Variants in CNTN5 observed in about 807,000 individuals in gnomAD.
CNTN5 encodes the protein contactin-5.
Under a neutral mutation model 129.1 loss-of-function variants are expected in CNTN5, and 77 were observed. The ratio of observed to expected loss-of-function variants is 0.60; its 90% CI spans 0.50 to 0.72. CNTN5 has a LOEUF of 0.72. Among genes scored for constraint, CNTN5 ranks in the 30% least tolerant of loss-of-function variants. The pLI is 0.00. For synonymous variants in CNTN5, 509 were observed against 465.6 expected, an observed-to-expected ratio of 1.09 and a Z score of -1.20; for missense variants, 1,478 against 1,328.8, an observed-to-expected ratio of 1.11 and a Z score of -1.75.
At chr11:99,275,852 AC>A (rs1457797608) in intron 1 of CNTN5, among the ~76,000 whole-genome samples, 5 of 151,658 alleles carry the variant, frequency 3.3e-5, no homozygotes, top group African/African-American at 1.2e-4. Context: ...ATTACATTTG[AC>A]CAAAAAAGTT....
intron 7 of CNTN5, among the ~76,000 whole-genome samples, chr11:99,922,851 G>C (rs141223456): frequency 6.6e-6 from 1 of 152,180 alleles, no homozygotes; most frequent in Non-Finnish European, 1.5e-5. Flanking sequence ...TGAGTGAAAT[G>C]CAGATTCTAA....
intron 24 of CNTN5, among the ~76,000 whole-genome samples, chr11:100,353,855 C>T (rs1192607707): frequency 6.6e-6 from 1 of 151,396 alleles, no homozygotes; most frequent in African/African-American, 2.4e-5. Context: ...TATTCTCTAG[C>T]TCTTAAGCAT....
chr11:100,136,568 TAAATA>T (rs1946532056), intron 13 of CNTN5, among the ~76,000 whole-genome samples: 4 of 152,158 alleles, frequency 2.6e-5, no homozygotes, highest in African/African-American at 7.2e-5. Context: ...AATCTAGTGA[TAAATA>T]AAATCATTAT....
At chr11:100,047,308 A>C (rs1942733768) in intron 9 of CNTN5, among the ~76,000 whole-genome samples, 2 of 152,124 alleles carry the variant, frequency 1.3e-5, no homozygotes, top group Non-Finnish European at 2.9e-5. Context: ...TCACAGGGGT[A>C]GGGTTAATCT....
intron 9 of CNTN5, among the ~76,000 whole-genome samples, chr11:100,025,078 C>T (rs893148745): frequency 2.6e-5 from 4 of 152,220 alleles, no homozygotes; most frequent in African/African-American, 9.6e-5. Flanking sequence ...CACTGCAACC[C>T]TTCCCATCTA....
chr11:100,142,238 A>G (rs1199290398), intron 13 of CNTN5, among the ~76,000 whole-genome samples: 4 of 152,166 alleles, frequency 2.6e-5, no homozygotes, highest in Non-Finnish European at 5.9e-5. Flanking sequence ...CAGATGGCCT[A>G]TCTTGGGACT....
In CNTN5 at chr11:99,845,027, A is replaced by G. The variant is rs573932864; in HGVS notation, c.401+52A>G. On this transcript the variant is annotated intron_variant, in intron 5 of 24. Coordinates refer to ENST00000524871, the MANE Select transcript of CNTN5 (RefSeq NM_014361.4). ...CTTAAGCCTTAAAAACTTTCCATCA[A>G]TGATATTCTGACACTCTCAGGGAGG... is the stretch of plus-strand genomic sequence containing the variant. 1.6e-4 allele frequency: 251 copies of G among 1,609,298 alleles called. 1 individual carries two copies. Among genetic ancestry groups the G allele is most frequent in the South Asian group, 7.1e-4 (64 of 90,570 alleles).
intron 2 of CNTN5, among the ~76,000 whole-genome samples, chr11:99,335,888 C>T (rs1271125944): frequency 6.6e-6 from 1 of 152,042 alleles, no homozygotes; most frequent in Non-Finnish European, 1.5e-5. Flanking sequence ...TCCTCTATGC[C>T]TGCAGGTGGA....
At chr11:99,934,658 G>A (rs921511396) in intron 7 of CNTN5, among the ~76,000 whole-genome samples, 2 of 151,908 alleles carry the variant, frequency 1.3e-5, no homozygotes, top group African/African-American at 4.8e-5. Flanking sequence ...GCCATGGTGG[G>A]TGGATCCCCT....
chr11:99,343,682 A>C (rs1532817), intron 2 of CNTN5, among the ~76,000 whole-genome samples: 150,447 of 152,224 alleles, frequency 0.99, 74,370 homozygotes, highest in East Asian at 1. Flanking sequence ...AAATTTTTCA[A>C]GGAGCATTTT....
At chr11:99,579,194 T>C (rs771018566) in intron 3 of CNTN5, among the ~76,000 whole-genome samples, 4 of 152,148 alleles carry the variant, frequency 2.6e-5, no homozygotes, top group Non-Finnish European at 5.9e-5. Context: ...GTCTATATCC[T>C]GTTTTGGTAC....
chr11:99,178,885 C>T (rs1324154049), intron 1 of CNTN5, among the ~76,000 whole-genome samples: 1 of 151,638 alleles, frequency 6.6e-6, no homozygotes, highest in African/African-American at 2.4e-5. Context: ...CATTTAAATA[C>T]CCAAATTGTG....
chr11:100,261,849 A>C (rs1467240561), intron 17 of CNTN5, among the ~76,000 whole-genome samples: 8 of 152,236 alleles, frequency 5.3e-5, no homozygotes, highest in Admixed American at 5.2e-4. Context: ...AAAACCCTGG[A>C]AGAAAACCTA....
intron 1 of CNTN5, among the ~76,000 whole-genome samples, chr11:99,188,766 C>T (rs2135585487): frequency 6.6e-6 from 1 of 151,706 alleles, no homozygotes; most frequent in South Asian, 2.1e-4. Flanking sequence ...TTGGATAAAA[C>T]ATATTGTCTT....
intron 3 of CNTN5, among the ~76,000 whole-genome samples, chr11:99,703,348 C>T (rs1954609929): frequency 6.7e-6 from 1 of 149,278 alleles, no homozygotes; most frequent in Non-Finnish European, 1.5e-5. Context: ...GTTTCTTTCA[C>T]TTCTTACATG....
chr11:99,390,511 T>C (rs1408908580), intron 2 of CNTN5, among the ~76,000 whole-genome samples: 5 of 152,224 alleles, frequency 3.3e-5, no homozygotes, highest in African/African-American at 9.6e-5. Context: ...CTTACTAAAA[T>C]GTTATAGTTT....
chr11:99,486,206 C>T (rs1945805384), intron 2 of CNTN5, among the ~76,000 whole-genome samples: 1 of 151,880 alleles, frequency 6.6e-6, no homozygotes, highest in African/African-American at 2.4e-5. Context: ...ATGTCTAGAC[C>T]AAGTTGATGT....
chr11:99,180,040 G>A (rs1415227630), intron 1 of CNTN5, among the ~76,000 whole-genome samples: 2 of 151,858 alleles, frequency 1.3e-5, no homozygotes, highest in Non-Finnish European at 1.5e-5. Flanking sequence ...AAATGTTTTC[G>A]ACCTAGTAAG....
intron 13 of CNTN5, among the ~76,000 whole-genome samples, chr11:100,105,906 A>T (rs780970601): frequency 1.3e-5 from 2 of 152,148 alleles, no homozygotes; most frequent in African/African-American, 2.4e-5. Context: ...TTAGTCAAAC[A>T]AGCCTTTCTC....
Sources: gnomAD v4.1 joint callset for allele counts (sites outside exome capture counted in the v4.1 genomes callset) on GRCh38, gnomAD v4.1.1 for gene constraint, MANE v1.5 for transcripts, NCBI Gene and HGNC (gene_info 2026-07-23, HGNC 2026-07-21) for gene names.